The following SLC25A26 variants were observed in gnomAD, a reference collection of about 807,000 sequenced individuals.
SLC25A26 encodes solute carrier family 25 member 26.
Under a neutral mutation model 37.8 loss-of-function variants are expected in SLC25A26, and 36 were observed. The ratio of observed to expected loss-of-function variants is 0.95; its 90% confidence interval spans 0.73 to 1.26. SLC25A26 has a LOEUF of 1.26. Among genes scored for constraint, SLC25A26 ranks in the 50% most tolerant of loss-of-function variants. The pLI is 0.00. For missense variants in SLC25A26, 390 were observed against 331.1 expected (o/e 1.18, Z -1.38); for synonymous variants, 129 against 122.5 (o/e 1.05, Z -0.35).
At chr3:66,209,894 C>CTCTTTATA (rs1553656243) in intron 1 of SLC25A26, among the ~76,000 whole-genome samples, 1 of 13,190 alleles carries the variant, frequency 7.6e-5, no homozygotes, top group Non-Finnish European at 1.9e-4. Context: ...CTCTCTCTCT[C>CTCTTTATA]TATTTATATA....
chr3:66,203,758 C>G (rs949692382), intron 1 of SLC25A26, among the ~76,000 whole-genome samples: 2 of 152,180 alleles, frequency 1.3e-5, no homozygotes, highest in South Asian at 2.1e-4. Flanking sequence ...ATATTTACTG[C>G]AACAATTCTA....
intron 6 of SLC25A26, among the ~76,000 whole-genome samples, chr3:66,362,108 A>G (rs550631880): frequency 3.9e-5 from 6 of 152,348 alleles, no homozygotes; most frequent in Non-Finnish European, 7.3e-5. Flanking sequence ...AAATGGTACA[A>G]TCGCTTTGGA....
At chr3:66,226,899 T>A (rs143162025) in intron 1 of SLC25A26, among the ~76,000 whole-genome samples, 3 of 152,328 alleles carry the variant, frequency 2.0e-5, no homozygotes, top group Non-Finnish European at 4.4e-5. Flanking sequence ...GGGGAAAAAT[T>A]GCAAAGCTGA....
In SLC25A26 at chr3:66,352,428, G is replaced by GGT. The variant is rs1453710384; in HGVS notation, c.498+6020_498+6021insGT. Among the ~76,000 whole-genome samples the GGT allele has an allele frequency of 1.9e-4, 24 of 126,684 alleles. 1 individual carries two copies. Among genetic ancestry groups the GGT allele is most frequent in the African/African-American group, 8.2e-4 (24 of 29,136 alleles). The allele number at this position is 126,684 out of a possible 152,430, so 83.1% of individuals were successfully genotyped here. ...TGCCTAGCGCCTCCCCTCGTTTTTT[G>GGT]TTTTTTGTTTTTTGTTTTTTTTTTT... On this transcript the variant is annotated intron_variant, in intron 6 of 9. Coordinates refer to ENST00000354883, the MANE Select transcript of SLC25A26 (RefSeq NM_001379210.1).
chr3:66,331,103 A>G (rs1244012348), intron 5 of SLC25A26, among the ~76,000 whole-genome samples: 4 of 152,138 alleles, frequency 2.6e-5, no homozygotes, highest in South Asian at 4.1e-4. Context: ...TTTTATATCT[A>G]TATATAACTC....
chr3:66,263,499 G>A, intron 5 of SLC25A26, 120 bp downstream of exon 5: 2 of 669,974 alleles, frequency 3.0e-6, no homozygotes, highest in South Asian at 1.9e-5. Context: ...AATCAAAAAG[G>A]GAAATTATCG....
intron 6 of SLC25A26, among the ~76,000 whole-genome samples, chr3:66,357,749 A>T (rs1317543050): frequency 2.0e-5 from 3 of 152,158 alleles, no homozygotes; most frequent in African/African-American, 7.2e-5. Flanking sequence ...CACATTATTT[A>T]AATTCATTGT....
chr3:66,159,947 C>A (rs1054577004), intron 1 of SLC25A26, among the ~76,000 whole-genome samples: 10 of 152,136 alleles, frequency 6.6e-5, no homozygotes, highest in Admixed American at 3.9e-4. Flanking sequence ...GGTCTTGGCC[C>A]TGATTCGCTC....
intron 5 of SLC25A26, among the ~76,000 whole-genome samples, chr3:66,303,326 G>A (rs1380662771): frequency 6.6e-6 from 1 of 152,184 alleles, no homozygotes; most frequent in East Asian, 1.9e-4. Flanking sequence ...CACCTTTAAG[G>A]AAAGACTTCT....
At chr3:66,234,352 T>C (rs2072175188) in intron 1 of SLC25A26, among the ~76,000 whole-genome samples, 1 of 152,218 alleles carries the variant, frequency 6.6e-6, no homozygotes, top group Non-Finnish European at 1.5e-5. Flanking sequence ...GTGAACTTTT[T>C]CCCATGACTT....
intron 5 of SLC25A26, among the ~76,000 whole-genome samples, chr3:66,339,218 C>T (rs374483574): frequency 1.2e-4 from 18 of 152,176 alleles, no homozygotes; most frequent in African/African-American, 4.3e-4. Flanking sequence ...TGTTACTGAT[C>T]TTCCTTTGTG....
intron 5 of SLC25A26, among the ~76,000 whole-genome samples, chr3:66,289,422 C>G (rs1340465180): frequency 1.3e-5 from 2 of 152,114 alleles, no homozygotes; most frequent in African/African-American, 4.8e-5. Flanking sequence ...AATGGTATTG[C>G]CTAGGTTTTC....
At chr3:66,247,155 C>T (rs764905892) in intron 3 of SLC25A26, among the ~76,000 whole-genome samples, 8 of 151,960 alleles carry the variant, frequency 5.3e-5, no homozygotes, top group East Asian at 3.9e-4. Context: ...TCAGCCACCG[C>T]GCCAGGCCCC....
chr3:66,268,889 C>T (rs1559637060), intron 5 of SLC25A26, among the ~76,000 whole-genome samples: 1 of 152,162 alleles, frequency 6.6e-6, no homozygotes, highest in Non-Finnish European at 1.5e-5. Context: ...GTAAGACGTG[C>T]CTTGCTTTCC....
At chr3:66,331,599 T>C (rs1575577012) in intron 5 of SLC25A26, among the ~76,000 whole-genome samples, 1 of 152,222 alleles carries the variant, frequency 6.6e-6, no homozygotes, top group South Asian at 2.1e-4. Context: ...CTTTGCTGCA[T>C]ATTTTAACTT....
intron 6 of SLC25A26, among the ~76,000 whole-genome samples, chr3:66,354,556 C>T (rs143656822): frequency 3.3e-5 from 5 of 152,246 alleles, no homozygotes; most frequent in African/African-American, 1.2e-4. Flanking sequence ...GAATAAATAG[C>T]ATTTTTTCTT....
intron 1 of SLC25A26, among the ~76,000 whole-genome samples, chr3:66,204,366 C>T (rs1169833168): frequency 1.5e-5 from 2 of 131,210 alleles, no homozygotes; most frequent in Non-Finnish European, 3.2e-5. Flanking sequence ...GCGGAGCTTG[C>T]AGTGAGCCGA....
chr3:66,167,210 C>T (rs138063268), intron 1 of SLC25A26, among the ~76,000 whole-genome samples: 3 of 152,164 alleles, frequency 2.0e-5, no homozygotes, highest in South Asian at 2.1e-4. Context: ...GAGATTGGTT[C>T]GAGGAAAGGG....
chr3:66,358,505 A>T (rs1182223423), intron 6 of SLC25A26, among the ~76,000 whole-genome samples: 1 of 152,242 alleles, frequency 6.6e-6, no homozygotes, highest in Non-Finnish European at 1.5e-5. Flanking sequence ...AAAGTGTCTC[A>T]TGAATGCTTA....
Sources: gnomAD v4.1 joint callset for allele counts (sites outside exome capture counted in the v4.1 genomes callset) on GRCh38, gnomAD v4.1.1 for gene constraint, MANE v1.5 for transcripts, NCBI Gene and HGNC (gene_info 2026-07-23, HGNC 2026-07-21) for gene names.